Variants in ZNF839 observed in about 807,000 individuals in gnomAD.
The protein encoded by ZNF839 is renal carcinoma antigen NY-REN-50.
A neutral mutation model predicts 56.4 loss-of-function variants in ZNF839; 38 were observed. The ratio of observed to expected loss-of-function variants is 0.67; its 90% confidence interval spans 0.52 to 0.88. ZNF839 has a LOEUF of 0.88. ZNF839 is among the 40% of genes least tolerant of loss of function. The probability of loss-of-function intolerance (pLI) is 0.00; values close to 1 mark genes in which losing one functional copy is unlikely to be tolerated. For missense variants in ZNF839, 1,091 were observed against 1,177.6 expected (o/e 0.93, Z 1.08); for synonymous variants, 486 against 493.5 (o/e 0.98, Z 0.20).
At chr14:102,323,211 T>C (rs1053103797) in intron 1 of ZNF839, among the ~76,000 whole-genome samples, 15 of 152,258 alleles carry the variant, frequency 9.9e-5, no homozygotes, top group African/African-American at 2.9e-4. Flanking sequence ...CACTTGGCAA[T>C]GTCTTCATTG....
chr14:102,320,008 C>T lies in ZNF839; in HGVS notation c.243C>T (p.Gly81=). 1 of 1,180,050 alleles carries T rather than the reference C, an allele frequency of 8.5e-7. No homozygotes were observed. The highest frequency in any genetic ancestry group is 1.0e-6 in the Non-Finnish European group (1 of 955,430). The allele number at this position is 1,180,050 out of a possible 1,614,324, so 73.1% of individuals were successfully genotyped here. ...DAAQQAALQR[G]RGTEPPRLPR... ...CCCAACAGGCCGCCCTGCAGCGGGGCCGGGGCACCGAGCCCCCGCGCCTGC... is the reference window on the plus strand; with the variant it reads ...CCCAACAGGCCGCCCTGCAGCGGGGTCGGGGCACCGAGCCCCCGCGCCTGC... The change falls in exon 1 of 8, where the codon GGC becomes GGT. Residue 81 remains glycine, a synonymous_variant. Coordinates refer to ENST00000442396, the MANE Select transcript of ZNF839 (RefSeq NM_018335.6).
intron 3 of ZNF839, among the ~76,000 whole-genome samples, chr14:102,333,573 T>G (rs2139549766): frequency 6.6e-6 from 1 of 152,300 alleles, no homozygotes; most frequent in African/African-American, 2.4e-5. Context: ...TTCTAAGCAC[T>G]GATCTTGTGA....
At chr14:102,333,759 C>T (rs2073895646) in intron 3 of ZNF839, among the ~76,000 whole-genome samples, 1 of 152,156 alleles carries the variant, frequency 6.6e-6, no homozygotes, top group African/African-American at 2.4e-5. Context: ...TTCATTGAAA[C>T]ATCTCCACCT....
At chr14:102,335,520 T>G in intron 4 of ZNF839, 169 bp from the exon 5 acceptor site, 1 of 661,892 alleles carries the variant, frequency 1.5e-6, no homozygotes, top group Non-Finnish European at 2.5e-6. Flanking sequence ...CTGGCTTCTC[T>G]GCACCATGCG....
In ZNF839 at chr14:102,332,681, G is replaced by A. The variant is rs529398432; in HGVS notation, c.1416+835G>A. Among the ~76,000 whole-genome samples the A allele has an allele frequency of 3.7e-4, 56 of 151,952 alleles. No homozygotes were observed. The highest frequency in any genetic ancestry group is 1.8e-3 in the East Asian group (9 of 5,090). On this transcript the variant is annotated intron_variant, in intron 3 of 7. Transcript: ENST00000442396. This position sits in a 1 kb window ranked among gnomAD's most constrained non-coding sequence, Gnocchi z 4.9. ...TCCCAGCACTTTGGGAGGCCGAGGT[G>A]GGCGGATCACCTGAAGTCAGGAGTT...
rs2073419301 is a variant in ZNF839 at position 102,326,555 on chromosome 14, T to C, written c.859T>C (p.Cys287Arg). Reference protein sequence around the residue: ...LSDSDDYSELCVEEDEDQRER... With the variant: ...LSDSDDYSELRVEEDEDQRER... ...AGATTCTGATGATTACTCAGAACTC[T>C]GTGTGGAAGAAGATGAAGATCAGAG... The change falls in exon 2 of 8, where the codon TGT (cysteine) becomes CGT (arginine). Residue 287 changes from cysteine (C) to arginine (R), a missense_variant. By Grantham distance (180) the Cys-to-Arg change is radical. This residue lies in a region of ZNF839 where 614 missense variants were observed against 629.2 expected (regional missense o/e 0.98). Coordinates refer to ENST00000442396, the MANE Select transcript of ZNF839 (RefSeq NM_018335.6). This position sits in a 1 kb window ranked among gnomAD's most constrained non-coding sequence, Gnocchi z 4.3. 5.0e-6 allele frequency: 8 copies of C among 1,613,962 alleles called. No homozygotes were observed. In the East Asian group the frequency reaches 1.8e-4, roughly 36 times the overall value.
Position 102,339,158 on chromosome 14 carries a change from C to G in ZNF839, c.1862C>G (p.Thr621Ser), listed in dbSNP as rs1886201527. 6.2e-7 allele frequency: 1 copy of G among 1,613,246 alleles called. No homozygotes were observed. Among genetic ancestry groups the G allele is most frequent in the Non-Finnish European group, 8.5e-7 (1 of 1,179,580 alleles). The change falls in exon 7 of 8, where the codon ACT becomes AGT. Residue 621 changes from threonine to serine, a missense_variant. Thr to Ser is a moderately conservative substitution (Grantham distance 58, BLOSUM62 1). Transcript: ENST00000442396. ...PRREALSNDTTESLAANSRGR... is the reference protein window; with the variant it reads ...PRREALSNDTSESLAANSRGR... ...AGAGAAGCCCTGTCCAACGATACCA[C>G]TGAATCTCTTGCTGCCAACAGCAGA...
chr14:102,333,384 G>A (rs1228128356), intron 3 of ZNF839, among the ~76,000 whole-genome samples: 2 of 150,138 alleles, frequency 1.3e-5, no homozygotes, highest in Non-Finnish European at 3.0e-5. Context: ...TCAGCCTCCC[G>A]AGTAGCTGGA....
intron 2 of ZNF839, among the ~76,000 whole-genome samples, chr14:102,330,041 C>T (rs892621817): frequency 1.3e-4 from 19 of 150,596 alleles, no homozygotes; most frequent in Non-Finnish European, 2.4e-4. Context: ...GTGATCTGCC[C>T]GCCTTGGCCT....
chr14:102,326,872 A>G lies in ZNF839; in HGVS notation c.1176A>G (p.Ala392=). ...GCTCCTGCTTGGTGACAGAGTCAGC[A>G]CGCGGTGGCCTGCAGGTAATGTTTC... ...GARSCLVTES[A]RGGLQNGQSV... is the part of the protein sequence containing the mutation. The change falls in exon 2 of 8, where the codon GCA becomes GCG. Residue 392 remains alanine, a synonymous_variant. Transcript: ENST00000442396. This position sits in a 1 kb window ranked among gnomAD's most constrained non-coding sequence, Gnocchi z 4.3. The G allele has an allele frequency of 6.2e-7, 1 of 1,601,210 alleles. No individual in the cohort carries two copies. Among genetic ancestry groups the G allele is most frequent in the Non-Finnish European group, 8.5e-7 (1 of 1,171,692 alleles).
chr14:102,333,200 G>A (rs1431581538), intron 3 of ZNF839, among the ~76,000 whole-genome samples: 2 of 151,212 alleles, frequency 1.3e-5, no homozygotes, highest in African/African-American at 4.9e-5. Flanking sequence ...GCCCTCCTCT[G>A]AAGCCCTTCC....
At chr14:102,325,696 T>C (rs35065023) in intron 1 of ZNF839, among the ~76,000 whole-genome samples, 16,525 of 151,948 alleles carry the variant, frequency 0.11, 1,195 homozygotes, top group African/African-American at 0.21. Flanking sequence ...GGTTTCACCA[T>C]GTTGGCCAGG....
Position 102,326,926 on chromosome 14 carries a change from C to T in ZNF839, c.1191+39C>T, listed in dbSNP as rs201487208. ...CTGGGTATGTGTCTTTTTATTTGGC[C>T]GTTCTCGGATTGCTATAAAGAAATA... On this transcript the variant is annotated intron_variant, in intron 2 of 7. Transcript: ENST00000442396. This position sits in a 1 kb window ranked among gnomAD's most constrained non-coding sequence, Gnocchi z 4.3. 3,539 of 1,522,140 alleles carry T rather than the reference C, an allele frequency of 2.3e-3. 4 individuals carry two copies. The highest frequency in any genetic ancestry group is 2.3e-3 in the Non-Finnish European group (2,625 of 1,135,402). The allele number at this position is 1,522,140 out of a possible 1,614,324, so 94.3% of individuals were successfully genotyped here.
At chr14:102,334,200 C>T (rs1040034628) in intron 3 of ZNF839, among the ~76,000 whole-genome samples, 4 of 152,228 alleles carry the variant, frequency 2.6e-5, no homozygotes, top group Non-Finnish European at 5.9e-5. Flanking sequence ...CCCTTCTGGC[C>T]TGCCCGTCTC....
intron 7 of ZNF839, 138 bp downstream of exon 7, chr14:102,339,361 T>TTCATTCCAGCCTCCCAGTGTTCTG (rs1886230353): frequency 8.2e-7 from 1 of 1,216,326 alleles, no homozygotes; most frequent in African/African-American, 1.5e-5. Flanking sequence ...TTTCTCAAGT[T>TTCATTCCAGCCTCCCAGTGTTCTG]TCATTCCAGC....
chr14:102,321,068 A>G (rs1461231668), intron 1 of ZNF839, among the ~76,000 whole-genome samples: 1 of 152,222 alleles, frequency 6.6e-6, no homozygotes, highest in African/African-American at 2.4e-5. Flanking sequence ...TCAAGACTGG[A>G]GAGTTGTCTT....
rs1249837446 is a variant in ZNF839 at position 102,331,900 on chromosome 14, G to T, written c.1416+54G>T. The T allele has an allele frequency of 9.2e-6, 13 of 1,414,084 alleles. No individual in the cohort carries two copies. The Admixed American group carries it at 2.0e-4, about 22-fold the overall frequency. The allele number at this position is 1,414,084 out of a possible 1,614,324, so 87.6% of individuals were successfully genotyped here. A position where few individuals can be genotyped will look rare whatever the true frequency, so the allele number is the denominator to read the frequency against. The stretch of plus-strand genomic sequence containing the variant: ...AACCCGTGTCTTTAGCATGGATGTG[G>T]CAATCACTATCAGTTTCTGAATCAC... On this transcript the variant is annotated intron_variant, in intron 3 of 7. Transcript: ENST00000442396.
chr14:102,338,137 G>A (rs1355458903), intron 5 of ZNF839, among the ~76,000 whole-genome samples: 3 of 152,254 alleles, frequency 2.0e-5, no homozygotes, highest in Non-Finnish European at 4.4e-5. Context: ...CAAGAGACCA[G>A]TGAGAAGTCA....
Position 102,338,864 on chromosome 14 carries a change from C to A in ZNF839, c.1708C>A (p.His570Asn), listed in dbSNP as rs1183937625. The stretch of plus-strand genomic sequence containing the variant: ...AGAATTCCTACGGAAGAAAGAAATA[C>A]ACCCAGACAACCTTGGACCCAAGCA... ...ITEFLRKKEI[H>N]PDNLGPKHLS... Residue 570 changes from histidine (H) to asparagine (N), a missense_variant, in exon 6 of 8, where the codon CAC becomes AAC. Transcript: ENST00000442396. 5.0e-6 allele frequency: 8 copies of A among 1,613,870 alleles called. No individual in the cohort carries two copies. The highest frequency in any genetic ancestry group is 6.8e-6 in the Non-Finnish European group (8 of 1,179,866).
Sources: allele counts gnomAD v4.1 joint callset (sites outside exome capture counted in the v4.1 genomes callset), GRCh38; gene constraint gnomAD v4.1.1; regional missense constraint gnomAD v4.1.1; non-coding constraint Gnocchi (gnomAD v3.1); transcripts MANE v1.5; gene names NCBI Gene and HGNC (gene_info 2026-07-23, HGNC 2026-07-21).